GPHN: variants seen among roughly 807,000 people sequenced by gnomAD.
The protein encoded by GPHN is gephyrin.
GPHN carries 17 observed loss-of-function variants against 95.5 expected under a neutral mutation model. That is an observed-to-expected ratio of 0.18 (90% CI 0.12 to 0.27). The LOEUF is 0.27. Ranked by LOEUF, GPHN falls within the 10% of genes least tolerant of loss-of-function variation. GPHN has a pLI of 1.00. For synonymous variants in GPHN, 320 were observed against 322.5 expected (o/e 0.99, Z 0.08); for missense variants, 660 against 978.1 (o/e 0.67, Z 4.34).
the GPHN span, among the ~76,000 whole-genome samples, chr14:67,506,932 T>TGA: frequency 6.6e-6 from 1 of 152,092 alleles, no homozygotes. Flanking sequence ...TGCAGTGAGC[T>TGA]GAGATCGTGC....
the GPHN span, among the ~76,000 whole-genome samples, chr14:67,575,046 A>G: frequency 1.3e-5 from 2 of 152,302 alleles, no homozygotes; most frequent in Non-Finnish European, 2.9e-5. Context: ...CAAGGGCTTC[A>G]GCCTGCTGTT....
At chr14:67,681,681 C>A in the GPHN span, among the ~76,000 whole-genome samples, 1 of 152,110 alleles carries the variant, frequency 6.6e-6, no homozygotes, top group African/African-American at 2.4e-5. Flanking sequence ...ACTCGGGAGG[C>A]TGAGACAGGA....
the GPHN span, among the ~76,000 whole-genome samples, chr14:67,372,745 T>G: frequency 1.2e-4 from 18 of 152,032 alleles, 1 homozygote; most frequent in South Asian, 3.7e-3. Context: ...GGAGAATCAC[T>G]TGAACCCAGG....
the GPHN span, among the ~76,000 whole-genome samples, chr14:67,387,653 A>G: frequency 7.2e-5 from 11 of 152,214 alleles, no homozygotes; most frequent in African/African-American, 2.7e-4. Context: ...CCAGTGCCCT[A>G]AGGCCTTCCA....
the GPHN span, among the ~76,000 whole-genome samples, chr14:67,431,147 C>A: frequency 2.0e-5 from 3 of 152,132 alleles, no homozygotes; most frequent in South Asian, 4.1e-4. Flanking sequence ...GTAATCCCAG[C>A]ACTTTGGGAG....
the GPHN span, among the ~76,000 whole-genome samples, chr14:67,518,825 G>A: frequency 1.3e-5 from 2 of 152,214 alleles, no homozygotes; most frequent in Non-Finnish European, 2.9e-5. Context: ...GCTCAAGAGG[G>A]TGATTCCAGT....
chr14:67,221,710 T>C, the GPHN span: 4 of 1,586,728 alleles, frequency 2.5e-6, no homozygotes, highest in Non-Finnish European at 3.4e-6. Context: ...ATTTTATATC[T>C]AGTAGATCTT....
intron 2 of GPHN, among the ~76,000 whole-genome samples, chr14:66,704,637 G>C (rs2153417341): frequency 6.6e-6 from 1 of 152,198 alleles, no homozygotes; most frequent in Non-Finnish European, 1.5e-5. Context: ...CAACGTACCA[G>C]AAGCTCTGGT....
Position 66,677,703 on chromosome 14 carries a change from G to C in GPHN, c.65-3404G>C, listed in dbSNP as rs192053914. ...AGGCCAGTCTTGTGGCCTAACATGTGGTCTGTCTTGTAGAATGTTCTATGT... is the reference window on the plus strand; with the variant it reads ...AGGCCAGTCTTGTGGCCTAACATGTCGTCTGTCTTGTAGAATGTTCTATGT... On this transcript the variant is annotated intron_variant, in intron 1 of 22. Transcript: ENST00000478722. Among the ~76,000 whole-genome samples, 353 of 152,090 alleles carry C rather than the reference G, an allele frequency of 2.3e-3. 2 individuals are homozygous for C. The East Asian group carries it at 0.031, about 13-fold the overall frequency.
At chr14:66,567,890 G>A (rs186747838) in intron 1 of GPHN, among the ~76,000 whole-genome samples, 1,621 of 152,228 alleles carry the variant, frequency 0.011, 14 homozygotes, top group Non-Finnish European at 0.016. Context: ...AATATAAGAT[G>A]TATTCCCTGC....
intron 9 of GPHN, among the ~76,000 whole-genome samples, chr14:67,020,471 T>A (rs899032712): frequency 6.6e-6 from 1 of 152,184 alleles, no homozygotes; most frequent in Admixed American, 6.5e-5. Context: ...CTTTTGTTCC[T>A]TACATTTATT....
At chr14:67,002,704 T>C (rs1346844826) in intron 9 of GPHN, among the ~76,000 whole-genome samples, 1 of 151,524 alleles carries the variant, frequency 6.6e-6, no homozygotes, top group Non-Finnish European at 1.5e-5. Context: ...CCTTTTGGGG[T>C]ATCTTAAGTA....
At chr14:67,068,124 A>G (rs532925511) in intron 11 of GPHN, among the ~76,000 whole-genome samples, 148 of 152,232 alleles carry the variant, frequency 9.7e-4, no homozygotes, top group Middle Eastern at 3.4e-3. Flanking sequence ...TTAGACAAAT[A>G]GTTATGGTTA....
At chr14:67,435,262 C>T in the GPHN span, among the ~76,000 whole-genome samples, 2 of 152,268 alleles carry the variant, frequency 1.3e-5, no homozygotes, top group African/African-American at 2.4e-5. Flanking sequence ...CCATCACGCC[C>T]AGCCTTTTCC....
chr14:67,384,979 C>T, the GPHN span: 1 of 152,090 alleles, frequency 6.6e-6, no homozygotes, highest in Non-Finnish European at 1.5e-5. Context: ...GGAATTTTTT[C>T]TTTTGATTTT....
intron 3 of GPHN, among the ~76,000 whole-genome samples, chr14:66,781,161 ATTCC>A (rs1205997442): frequency 2.0e-5 from 3 of 151,814 alleles, no homozygotes; most frequent in Non-Finnish European, 4.4e-5. Context: ...GAGTGAATAA[ATTCC>A]TGGCCCAATC....
chr14:67,264,934 A>T, the GPHN span, among the ~76,000 whole-genome samples: 1 of 144,540 alleles, frequency 6.9e-6, no homozygotes, highest in African/African-American at 2.5e-5. Flanking sequence ...CAGGAATCAT[A>T]TTTTTTTTTT....
intron 20 of GPHN, among the ~76,000 whole-genome samples, chr14:67,167,271 A>ATAAT (rs2140032735): frequency 6.6e-6 from 1 of 152,336 alleles, no homozygotes; most frequent in Non-Finnish European, 1.5e-5. Flanking sequence ...TGCCTCTAAA[A>ATAAT]TAATTAGAGC....
At chr14:66,643,712 G>C (rs2064571630) in intron 1 of GPHN, among the ~76,000 whole-genome samples, 1 of 150,214 alleles carries the variant, frequency 6.7e-6, no homozygotes, top group South Asian at 2.1e-4. Context: ...ATTTCCTTCT[G>C]TTGTGGGTAG....
Sources: allele counts gnomAD v4.1 joint callset (sites outside exome capture counted in the v4.1 genomes callset), GRCh38; gene constraint gnomAD v4.1.1; transcripts MANE v1.5; gene names NCBI Gene and HGNC (gene_info 2026-07-23, HGNC 2026-07-21).